ZNF16: variants seen among roughly 807,000 people sequenced by gnomAD.
ZNF16 encodes zinc finger protein KOX9.
A neutral mutation model predicts 9.0 loss-of-function variants in ZNF16; 7 were observed. The ratio of observed to expected loss-of-function variants is 0.78; its 90% confidence interval spans 0.44 to 1.47. The LOEUF (loss-of-function observed/expected upper bound fraction) is 1.47. Ranked by LOEUF, ZNF16 falls within the 40% of genes most tolerant of loss-of-function variation. The pLI is 0.01. For synonymous variants in ZNF16, 312 were observed against 301.5 expected, an observed-to-expected ratio of 1.03 and a Z score of -0.36; for missense variants, 830 against 854.2, an observed-to-expected ratio of 0.97 and a Z score of 0.35.
In ZNF16 at chr8:144,931,641, A is replaced by T. The variant is rs770197512; in HGVS notation, c.1146T>A (p.Cys382Ter). 1 of 1,613,938 alleles carries T rather than the reference A, an allele frequency of 6.2e-7. No homozygotes were observed. Among genetic ancestry groups the T allele is most frequent in the Non-Finnish European group, 8.5e-7 (1 of 1,179,990 alleles). The stretch of plus-strand genomic sequence containing the variant: ...GTGCACTCTGGCTGAAGGCTTTCCC[A>T]CACTCGCCACACTCAAAAGGCTTCT... ...TGEKPFECGE[C>*]GKAFSQSAHL... Residue 382 changes from cysteine to a stop codon, truncating the protein, a stop_gained, in exon 3 of 3, where the codon TGT (cysteine) becomes TGA (stop). Transcript: ENST00000394909. LOFTEE classifies it low-confidence loss of function (END_TRUNC).
At chr8:144,949,339 C>T (rs1485050558) in intron 1 of ZNF16, among the ~76,000 whole-genome samples, 1 of 152,240 alleles carries the variant, frequency 6.6e-6, no homozygotes, top group Non-Finnish European at 1.5e-5. Context: ...CCCCCTTTCT[C>T]CCCCAGCTCT....
rs529664470 is a variant in ZNF16, at chr8:144,940,110, C to T, written c.196+5901G>A. Among the ~76,000 whole-genome samples the T allele has an allele frequency of 3.9e-5, 6 of 152,008 alleles. No individual in the cohort carries two copies. The South Asian group carries it at 1.2e-3, about 32-fold the overall frequency. On this transcript the variant is annotated intron_variant, in intron 2 of 2. Transcript: ENST00000394909. ...CCTTTTTTTTTGAGACAGGGTCTCA[C>T]TCTCATTGCTCAGGCTGGAATGCAG...
At chr8:144,950,675 C>G (rs1385067011) in intron 1 of ZNF16, 122 bp downstream of exon 1, 1 of 151,888 alleles carries the variant, frequency 6.6e-6, no homozygotes, top group Non-Finnish European at 1.5e-5. Flanking sequence ...CGCCCCCGCC[C>G]GGGGTCCCCA....
intron 1 of ZNF16, chr8:144,948,611 G>C (rs1834017804): frequency 6.6e-6 from 1 of 152,142 alleles, no homozygotes; most frequent in Admixed American, 6.5e-5. Context: ...AAGGATTTAT[G>C]GTGAAAAATT....
Position 144,932,119 on chromosome 8 carries a change from T to TCA in ZNF16, c.666_667dup (p.Asp223ValfsTer8), listed in dbSNP as rs1198957490. On this transcript the variant is annotated frameshift_variant, in exon 3 of 3. Transcript: ENST00000394909. LOFTEE classifies it low-confidence loss of function (END_TRUNC). The surrounding 1 kb of genome is among the most constrained non-coding windows in gnomAD (Gnocchi z 5.0). ...GTGGACTATTTGACGCTGAATAAGG[T>TCA]CAGGATTTCCTTGGAAGGTTTTCCC... 3 of 1,614,016 alleles carry TCA rather than the reference T, an allele frequency of 1.9e-6. No homozygotes were observed. In the African/African-American group the frequency reaches 4.0e-5, roughly 22 times the overall value.
At chr8:144,950,321 G>A (rs1398062028) in intron 1 of ZNF16, 1 of 152,250 alleles carries the variant, frequency 6.6e-6, no homozygotes, top group Non-Finnish European at 1.5e-5. Context: ...CAGGTCCTTA[G>A]TGTGCCGAGT....
intron 2 of ZNF16, among the ~76,000 whole-genome samples, chr8:144,935,133 G>C (rs1833652112): frequency 6.6e-6 from 1 of 152,106 alleles, no homozygotes; most frequent in East Asian, 1.9e-4. Context: ...TGTAATATAA[G>C]AATTGTGGGG....
Position 144,930,777 on chromosome 8 carries a change from T to G in ZNF16, c.2010A>C (p.Ser670=), listed in dbSNP as rs1345865939. The change falls in exon 3 of 3, where the codon TCA becomes TCC. Residue 670 remains serine (S), a synonymous_variant. Coordinates refer to ENST00000394909, the MANE Select transcript of ZNF16 (RefSeq NM_006958.3). Reference sequence around the variant, plus strand: ...GAATCAACTGGTGTTTGATCAACTTTGATCGCTGGCTGAAGGCTTTCCCAC... The same window carrying G: ...GAATCAACTGGTGTTTGATCAACTTGGATCGCTGGCTGAAGGCTTTCCCAC... ...AACGKAFSQR[S]KLIKHQLIHT... 6.5e-7 allele frequency: 1 copy of G among 1,541,562 alleles called. No individual in the cohort carries two copies. The highest frequency in any genetic ancestry group is 8.7e-7 in the Non-Finnish European group (1 of 1,147,038).
rs1467858180 is a variant in ZNF16 at position 144,946,679 on chromosome 8, T to C, written c.-9-464A>G. Among the ~76,000 whole-genome samples the C allele has an allele frequency of 4.4e-5, 5 of 113,524 alleles. 1 individual carries two copies. Among genetic ancestry groups the C allele is most frequent in the Non-Finnish European group, 5.4e-5 (3 of 55,568 alleles). The allele number at this position is 113,524 out of a possible 152,430, so 74.5% of individuals were successfully genotyped here. The stretch of plus-strand genomic sequence containing the variant: ...GTCCTACTGTGGGCCTGTACCCTAC[T>C]GTGGGCCATACCCTGCTGTGGGCCC... On this transcript the variant is annotated intron_variant, in intron 1 of 2. Coordinates refer to ENST00000394909, the MANE Select transcript of ZNF16 (RefSeq NM_006958.3).
At chr8:144,949,959 C>T (rs1834058367) in intron 1 of ZNF16, among the ~76,000 whole-genome samples, 1 of 152,076 alleles carries the variant, frequency 6.6e-6, no homozygotes, top group Non-Finnish European at 1.5e-5. Flanking sequence ...TCCTGCCTGC[C>T]CCTGGGAACT....
intron 2 of ZNF16, among the ~76,000 whole-genome samples, chr8:144,942,258 A>C (rs184078013): frequency 6.9e-6 from 1 of 144,602 alleles, no homozygotes; most frequent in African/African-American, 2.6e-5. Flanking sequence ...GATTACAGGC[A>C]TGAGCCACCA....
rs372773364 is a variant in ZNF16, at chr8:144,946,118, C to T, written c.89G>A (p.Arg30His). 113 of 1,607,922 alleles carry T rather than the reference C, an allele frequency of 7.0e-5. 2 individuals carry two copies. The highest frequency in any genetic ancestry group is 4.0e-4 in the South Asian group (36 of 90,690). Residue 30 changes from arginine to histidine, a missense_variant, in exon 2 of 3, where the codon CGT becomes CAT. Physicochemically the swap from Arg to His is conservative, Grantham distance 29. Transcript: ENST00000394909. ...GGTCACAGCAGGAGCATCTCTCACACGGGCCTGGGCTGCAGGGGTCCAGGG... is the reference window on the plus strand; with the variant it reads ...GGTCACAGCAGGAGCATCTCTCACATGGGCCTGGGCTGCAGGGGTCCAGGG... ...PSPWTPAAQA[R>H]VRDAPAVTHP...
chr8:144,941,878 T>C (rs1833805165), intron 2 of ZNF16, among the ~76,000 whole-genome samples: 1 of 151,822 alleles, frequency 6.6e-6, no homozygotes, highest in East Asian at 1.9e-4. Context: ...CAGGATGGTC[T>C]CAATCTCCTG....
At chr8:144,946,345 T>C (rs903505519) in intron 1 of ZNF16, 130 bp from the exon 2 acceptor site, 7 of 843,100 alleles carry the variant, frequency 8.3e-6, no homozygotes, top group Non-Finnish European at 1.2e-5. Flanking sequence ...TGCTGCCAGG[T>C]CTCAGGGGCT....
chr8:144,932,040 G>A lies in ZNF16; in HGVS notation c.747C>T (p.Asn249=). Residue 249 remains asparagine (N), a synonymous_variant, in exon 3 of 3, where the codon AAC becomes AAT. Coordinates refer to ENST00000394909, the MANE Select transcript of ZNF16 (RefSeq NM_006958.3). The surrounding 1 kb of genome is among the most constrained non-coding windows in gnomAD (Gnocchi z 5.0). ...CDDCGKTFSQ[N]SVLKNRHRSH... is the part of the protein sequence containing the mutation. ...ATCGATGACGGTTTTTAAGAACTGA[G>A]TTCTGGCTGAAGGTTTTCCCACAAT... 4 of 1,614,126 alleles carry A rather than the reference G, an allele frequency of 2.5e-6. No homozygotes were observed. In the South Asian group the frequency reaches 3.3e-5, roughly 13 times the overall value.
At chr8:144,948,073 T>C (rs1214601327) in intron 1 of ZNF16, 1 of 152,168 alleles carries the variant, frequency 6.6e-6, no homozygotes, top group Non-Finnish European at 1.5e-5. Context: ...GTGCAGGGAG[T>C]CAACGTGATG....
rs962082797 is a variant in ZNF16, at chr8:144,932,104, T to A, written c.683A>T (p.Gln228Leu). 1 of 1,614,192 alleles carries A rather than the reference T, an allele frequency of 6.2e-7. No homozygotes were observed. Among genetic ancestry groups the A allele is most frequent in the East Asian group, 2.2e-5 (1 of 44,888 alleles). The change falls in exon 3 of 3, where the codon CAA becomes CTA. Residue 228 changes from glutamine to leucine, a missense_variant. Coordinates refer to ENST00000394909, the MANE Select transcript of ZNF16 (RefSeq NM_006958.3). This position sits in a 1 kb window ranked among gnomAD's most constrained non-coding sequence, Gnocchi z 5.0. Reference protein sequence around the residue: ...FQGNPDLIQRQIVHTGEASFM... With the variant: ...FQGNPDLIQRLIVHTGEASFM... ...GGAAGCCTCCCCAGTGTGGACTATTTGACGCTGAATAAGGTCAGGATTTCC... is the reference window on the plus strand; with the variant it reads ...GGAAGCCTCCCCAGTGTGGACTATTAGACGCTGAATAAGGTCAGGATTTCC...
At chr8:144,939,254 C>T (rs1422563342) in intron 2 of ZNF16, among the ~76,000 whole-genome samples, 2 of 152,208 alleles carry the variant, frequency 1.3e-5, no homozygotes, top group East Asian at 3.9e-4. Context: ...AGAAAGTGTT[C>T]TCTCCTCCTT....
In ZNF16 at chr8:144,931,445, G is replaced by A. The variant is rs776196553; in HGVS notation, c.1342C>T (p.Leu448Phe). The stretch of plus-strand genomic sequence containing the variant: ...GTGTGAATTCTCCGATGCTGAATAA[G>A]GCTGGAGCTCTGACTAAATGCTTTC... ...CGKAFSQSSS[L>F]IQHRRIHTGE... The change falls in exon 3 of 3, where the codon CTT (leucine) becomes TTT (phenylalanine). Residue 448 changes from leucine (L) to phenylalanine (F), a missense_variant. Physicochemically the swap from Leu to Phe is conservative, Grantham distance 22. Coordinates refer to ENST00000394909, the MANE Select transcript of ZNF16 (RefSeq NM_006958.3). 4.6e-5 allele frequency: 74 copies of A among 1,614,020 alleles called. 1 individual carries two copies. The South Asian group carries it at 7.9e-4, about 17-fold the overall frequency.
Sources: gnomAD v4.1 joint callset for allele counts (sites outside exome capture counted in the v4.1 genomes callset) on GRCh38, gnomAD v4.1.1 for gene constraint, Gnocchi (gnomAD v3.1) non-coding constraint, MANE v1.5 for transcripts, NCBI Gene and HGNC (gene_info 2026-07-23, HGNC 2026-07-21) for gene names.